Variants in KCNN2 observed in about 807,000 individuals in gnomAD.
KCNN2 encodes small conductance calcium-activated potassium channel protein 2.
Under a neutral mutation model 55.5 loss-of-function variants are expected in KCNN2, and 24 were observed. That is an observed-to-expected ratio of 0.43 (90% CI 0.31 to 0.61). The LOEUF (loss-of-function observed/expected upper bound fraction) is 0.61, where lower values mean the gene tolerates loss of function less well. Among genes scored for constraint, KCNN2 ranks in the 20% least tolerant of loss-of-function variants. The pLI, the probability that KCNN2 is intolerant of heterozygous loss-of-function variation, is 0.08. For missense variants in KCNN2, 754 were observed against 853.6 expected (o/e 0.88, Z 1.45); for synonymous variants, 431 against 336.1 (o/e 1.28, Z -3.09).
At chr5:114,260,552 A>G (rs781315919) in intron 2 of KCNN2, among the ~76,000 whole-genome samples, 1 of 152,188 alleles carries the variant, frequency 6.6e-6, no homozygotes, top group African/African-American at 2.4e-5. Flanking sequence ...TTTTAGAGCA[A>G]TGATCTCGAA....
At chr5:114,273,787 A>G (rs1358521791) in intron 2 of KCNN2, among the ~76,000 whole-genome samples, 1 of 152,076 alleles carries the variant, frequency 6.6e-6, no homozygotes, top group Non-Finnish European at 1.5e-5. Flanking sequence ...ATTTTCTCCC[A>G]TTCTGTAGGT....
At chr5:114,101,254 G>A (rs987224166) in intron 1 of KCNN2, among the ~76,000 whole-genome samples, 1 of 151,578 alleles carries the variant, frequency 6.6e-6, no homozygotes, top group Non-Finnish European at 1.5e-5. Context: ...GAGAATATTT[G>A]GCTCAATAGT....
chr5:114,241,218 T>TGTCTC (rs1456125861), intron 2 of KCNN2, among the ~76,000 whole-genome samples: 2 of 151,826 alleles, frequency 1.3e-5, no homozygotes, highest in African/African-American at 4.8e-5. Context: ...AAAATAGCAA[T>TGTCTC]AATTCTGAGA....
intron 2 of KCNN2, among the ~76,000 whole-genome samples, chr5:114,354,748 A>T: frequency 6.6e-6 from 1 of 152,134 alleles, no homozygotes; most frequent in East Asian, 1.9e-4. Flanking sequence ...AAGTAGTGAG[A>T]AAAAAATGTT....
chr5:114,427,297 G>A (rs567515004), intron 3 of KCNN2, among the ~76,000 whole-genome samples: 2 of 152,168 alleles, frequency 1.3e-5, no homozygotes, highest in African/African-American at 4.8e-5. Flanking sequence ...ATTTTGACAT[G>A]TGGGTTTGAT....
chr5:114,304,386 T>A (rs539670430), intron 2 of KCNN2, among the ~76,000 whole-genome samples: 1 of 152,282 alleles, frequency 6.6e-6, no homozygotes, highest in Non-Finnish European at 1.5e-5. Context: ...TCAGACTAAA[T>A]GTGAATGTAC....
chr5:114,160,366 A>T (rs1752743688), intron 1 of KCNN2, among the ~76,000 whole-genome samples: 1 of 152,132 alleles, frequency 6.6e-6, no homozygotes, highest in South Asian at 2.1e-4. Context: ...GTGGTCTGAG[A>T]GACAGTTTGT....
chr5:114,416,441 A>G (rs1260110031), intron 3 of KCNN2, among the ~76,000 whole-genome samples: 1 of 152,200 alleles, frequency 6.6e-6, no homozygotes, highest in Non-Finnish European at 1.5e-5. Flanking sequence ...GTCCACAGTC[A>G]TGACTTTGGA....
chr5:114,312,332 GCTTGCCCCTAAGACATTTCT>G (rs1359182291), intron 2 of KCNN2, among the ~76,000 whole-genome samples: 2 of 145,428 alleles, frequency 1.4e-5, no homozygotes, highest in Non-Finnish European at 3.0e-5. Flanking sequence ...ACTTGATTTG[GCTTGCCCCTAAGACATTTCT>G]CCTTTGATTC....
chr5:114,388,366 A>G lies in KCNN2; in HGVS notation c.1219-16072A>G, dbSNP rs537966667. ...GGTTACTCTTAAATTTTTAGCAAATATGTATATTTAACAGTGTTTAAGGTT... is the reference window on the plus strand; with the variant it reads ...GGTTACTCTTAAATTTTTAGCAAATGTGTATATTTAACAGTGTTTAAGGTT... On this transcript the variant is annotated intron_variant, in intron 2 of 7. Coordinates refer to ENST00000673685, the MANE Select transcript of KCNN2 (RefSeq NM_021614.4). Among the ~76,000 whole-genome samples the G allele has an allele frequency of 3.9e-5, 6 of 152,250 alleles. No individual in the cohort carries two copies. In the South Asian group the frequency reaches 6.2e-4, roughly 16 times the overall value.
intron 3 of KCNN2, among the ~76,000 whole-genome samples, chr5:114,408,792 T>G (rs994814537): frequency 9.2e-5 from 14 of 152,312 alleles, no homozygotes; most frequent in South Asian, 8.3e-4. Flanking sequence ...ATAGTTCATC[T>G]TAGCTGTTTT....
intron 2 of KCNN2, among the ~76,000 whole-genome samples, chr5:114,263,113 G>A (rs955064673): frequency 1.3e-5 from 2 of 152,006 alleles, no homozygotes; most frequent in Non-Finnish European, 2.9e-5. Context: ...TTTCACTCTT[G>A]TTTTTCTTTT....
chr5:114,057,535 C>T (rs532491128), intron 1 of KCNN2, among the ~76,000 whole-genome samples: 1 of 152,274 alleles, frequency 6.6e-6, no homozygotes, highest in South Asian at 2.1e-4. Context: ...AGGTGCTGTG[C>T]TAGGAGATGC....
chr5:114,241,840 A>G lies in KCNN2; in HGVS notation c.-185+20275A>G, dbSNP rs868317469. Among the ~76,000 whole-genome samples, 7 of 113,268 alleles carry G rather than the reference A, an allele frequency of 6.2e-5. 1 individual carries two copies. Among genetic ancestry groups the G allele is most frequent in the Non-Finnish European group, 1.1e-4 (6 of 52,834 alleles). The allele number at this position is 113,268 out of a possible 152,430, so 74.3% of individuals were successfully genotyped here. On this transcript the variant is annotated intron_variant, in intron 2 of 10. Coordinates refer to the KCNN2 transcript ENST00000512097. ...TATATGTGTGTATATATATATATAT[A>G]TATATGGAGTGTGAAGGACCACCAA...
At chr5:114,148,891 T>TGTG (rs1333750775) in intron 1 of KCNN2, among the ~76,000 whole-genome samples, 1 of 151,948 alleles carries the variant, frequency 6.6e-6, no homozygotes, top group Non-Finnish European at 1.5e-5. Flanking sequence ...CGTGTTAACT[T>TGTG]GTGGCAGTTG....
At chr5:114,402,768 G>T (rs1307649967) in intron 2 of KCNN2, among the ~76,000 whole-genome samples, 2 of 152,216 alleles carry the variant, frequency 1.3e-5, no homozygotes, top group African/African-American at 4.8e-5. Flanking sequence ...GGCACAGGTG[G>T]GTGGTGGCCA....
chr5:114,402,680 G>C (rs547614747), intron 2 of KCNN2, among the ~76,000 whole-genome samples: 1 of 152,294 alleles, frequency 6.6e-6, no homozygotes, highest in African/African-American at 2.4e-5. Context: ...GGGAACAATG[G>C]CGGCCCTCGA....
chr5:114,436,569 G>A (rs1357969813), intron 3 of KCNN2, among the ~76,000 whole-genome samples: 1 of 152,082 alleles, frequency 6.6e-6, no homozygotes, highest in East Asian at 1.9e-4. Context: ...TTCCACCTAG[G>A]CATACATACT....
intron 1 of KCNN2, among the ~76,000 whole-genome samples, chr5:114,206,214 G>A (rs1156838097): frequency 6.6e-6 from 1 of 152,026 alleles, no homozygotes; most frequent in African/African-American, 2.4e-5. Context: ...TGCTAGCCTG[G>A]CTAACCAAGC....
Sources: allele counts gnomAD v4.1 joint callset (sites outside exome capture counted in the v4.1 genomes callset), GRCh38; gene constraint gnomAD v4.1.1; transcripts MANE v1.5; gene names NCBI Gene and HGNC (gene_info 2026-07-23, HGNC 2026-07-21).